Variants in SCEL observed in about 807,000 individuals in gnomAD.
The protein encoded by SCEL is sciellin.
Under a neutral mutation model 117.6 loss-of-function variants are expected in SCEL, and 113 were observed. That is an observed-to-expected ratio of 0.96 (90% confidence interval 0.83 to 1.12). The LOEUF is 1.12. Ranked by LOEUF, SCEL falls within the 50% of genes most tolerant of loss-of-function variation. The probability of loss-of-function intolerance (pLI) is 0.00; values close to 1 mark genes in which losing one functional copy is unlikely to be tolerated. For synonymous variants in SCEL, 270 were observed against 256.2 expected (o/e 1.05, Z -0.51); for missense variants, 785 against 810.8 (o/e 0.97, Z 0.39).
chr13:77,564,194 T>G (rs1169477628), intron 5 of SCEL, among the ~76,000 whole-genome samples: 1 of 150,564 alleles, frequency 6.6e-6, no homozygotes, highest in Non-Finnish European at 1.5e-5. Context: ...AATATAGGTT[T>G]TTTTTTTTTT....
At chr13:77,553,657 C>G (rs1490640271) in intron 1 of SCEL, among the ~76,000 whole-genome samples, 1 of 152,052 alleles carries the variant, frequency 6.6e-6, no homozygotes, top group Non-Finnish European at 1.5e-5. Context: ...TGCCCAAGTT[C>G]AAGTCTGTCC....
chr13:77,556,305 G>T (rs1354396357), intron 2 of SCEL, among the ~76,000 whole-genome samples: 1 of 152,152 alleles, frequency 6.6e-6, no homozygotes, highest in Non-Finnish European at 1.5e-5. Context: ...CTAAATCCTG[G>T]CTCAGTTTAT....
At position 77,582,296 on chromosome 13, in the gene SCEL, G is replaced by T. The variant is rs542714221; in HGVS notation, c.546-6848G>T. ...GGCTGGAGTGCAGTGGTGTGATCTC[G>T]GCTCACTGCAACCTCTGCCTCCTGG... On this transcript the variant is annotated intron_variant, in intron 9 of 32. Coordinates refer to ENST00000349847, the MANE Select transcript of SCEL (RefSeq NM_144777.3). Among the ~76,000 whole-genome samples, 5 of 151,772 alleles carry T rather than the reference G, an allele frequency of 3.3e-5. No individual in the cohort carries two copies. The East Asian group carries it at 9.7e-4, about 30-fold the overall frequency.
At chr13:77,540,334 AATGTGTGCGGGTGTGAGT>A (rs776434573) in intron 1 of SCEL, among the ~76,000 whole-genome samples, 15 of 152,118 alleles carry the variant, frequency 9.9e-5, no homozygotes, top group Non-Finnish European at 1.9e-4. Context: ...ACAATGTGTG[AATGTGTGCGGGTGTGAGT>A]ATGTGTGTAT....
At chr13:77,557,686 G>A (rs1228400943) in intron 3 of SCEL, among the ~76,000 whole-genome samples, 45 of 152,172 alleles carry the variant, frequency 3.0e-4, no homozygotes, top group Admixed American at 2.8e-3. Context: ...GCAAGGTTGG[G>A]AGACATTTTT....
rs775498801 is a variant in SCEL, at chr13:77,644,232, C to T, written c.2051-26C>T. On this transcript the variant is annotated intron_variant, in intron 32 of 32. Transcript: ENST00000349847. ...TGAGCTTGTTTCTGTACTGAATTTG[C>T]ACGTCTTTTTTCTTTTAATTTGCAG... 5.6e-6 allele frequency: 9 copies of T among 1,612,472 alleles called. No individual in the cohort carries two copies. The Admixed American group carries it at 1.5e-4, about 27-fold the overall frequency.
At chr13:77,631,434 A>G (rs1488540539) in intron 28 of SCEL, among the ~76,000 whole-genome samples, 1 of 152,200 alleles carries the variant, frequency 6.6e-6, no homozygotes, top group Non-Finnish European at 1.5e-5. Flanking sequence ...TTGGATTCTG[A>G]AGCAGAAAAA....
intron 8 of SCEL, 87 bp downstream of exon 8, chr13:77,569,538 C>T: frequency 1.1e-5 from 10 of 937,052 alleles, no homozygotes; most frequent in South Asian, 1.5e-5. Flanking sequence ...TGTGGGGATC[C>T]AGCATCTACA....
intron 6 of SCEL, among the ~76,000 whole-genome samples, chr13:77,567,983 G>A (rs565741739): frequency 6.6e-6 from 1 of 152,192 alleles, no homozygotes; most frequent in African/African-American, 2.4e-5. Flanking sequence ...AGTTGTCCTG[G>A]TGGCAAAATT....
intron 9 of SCEL, among the ~76,000 whole-genome samples, chr13:77,579,552 G>A (rs1309251355): frequency 6.6e-6 from 1 of 152,122 alleles, no homozygotes. Flanking sequence ...GTTGGGCTCT[G>A]CCAGGAGTAC....
intron 1 of SCEL, among the ~76,000 whole-genome samples, chr13:77,551,536 C>T (rs140728556): frequency 2.6e-5 from 4 of 152,270 alleles, no homozygotes; most frequent in Non-Finnish European, 5.9e-5. Context: ...TGAGGCCTCT[C>T]TCCTTGGCCT....
At position 77,567,661 on chromosome 13, in the gene SCEL, G is replaced by C. The variant is rs878909070; in HGVS notation, c.291-19G>C. Reference sequence around the variant, plus strand: ...AATTTAAATATTTATCCAGACTTTTGTCTTGTTTCTTTATAAAGGATCTCA... The same window carrying C: ...AATTTAAATATTTATCCAGACTTTTCTCTTGTTTCTTTATAAAGGATCTCA... On this transcript the variant is annotated intron_variant, in intron 5 of 32. Transcript: ENST00000349847. 6.3e-7 allele frequency: 1 copy of C among 1,577,134 alleles called. No individual in the cohort carries two copies. Among genetic ancestry groups the C allele is most frequent in the South Asian group, 1.1e-5 (1 of 88,988 alleles).
At chr13:77,561,227 A>G (rs1234382202) in intron 4 of SCEL, among the ~76,000 whole-genome samples, 2 of 152,226 alleles carry the variant, frequency 1.3e-5, no homozygotes, top group Non-Finnish European at 2.9e-5. Context: ...AAGAACAGAA[A>G]TGCTTGTGTT....
At chr13:77,581,119 A>G (rs1205179028) in intron 9 of SCEL, among the ~76,000 whole-genome samples, 2 of 152,226 alleles carry the variant, frequency 1.3e-5, no homozygotes, top group Non-Finnish European at 2.9e-5. Context: ...TCTTATTTTT[A>G]TCTCAACAAA....
intron 1 of SCEL, among the ~76,000 whole-genome samples, chr13:77,542,199 G>C (rs2083740662): frequency 6.6e-6 from 1 of 152,160 alleles, no homozygotes; most frequent in Admixed American, 6.5e-5. Flanking sequence ...TCAGGAGTTA[G>C]AGACCAGCCT....
chr13:77,562,287 T>C (rs1484127676), intron 4 of SCEL, among the ~76,000 whole-genome samples: 1 of 152,112 alleles, frequency 6.6e-6, no homozygotes, highest in Non-Finnish European at 1.5e-5. Context: ...GGGGAGGGGC[T>C]GTTTTCTGCA....
At chr13:77,603,281 C>T (rs1312556284) in intron 18 of SCEL, 146 bp downstream of exon 18, 2 of 448,324 alleles carry the variant, frequency 4.5e-6, no homozygotes, top group Non-Finnish European at 7.9e-6. Context: ...CCTCCTTATC[C>T]CCAATAAAAC....
chr13:77,640,141 A>G (rs765184606), intron 30 of SCEL, among the ~76,000 whole-genome samples: 2 of 152,072 alleles, frequency 1.3e-5, no homozygotes, highest in Non-Finnish European at 2.9e-5. Context: ...TTACAGTGGC[A>G]CCAAGAGGAG....
chr13:77,568,256 CTTCATTG>C, intron 6 of SCEL, 32 bp from the exon 7 acceptor site: 1 of 1,377,700 alleles, frequency 7.3e-7, no homozygotes, highest in Non-Finnish European at 1.0e-6. Flanking sequence ...AATGTTCATT[CTTCATTG>C]TTCAAACTTT....
Sources: allele counts gnomAD v4.1 joint callset (sites outside exome capture counted in the v4.1 genomes callset), GRCh38; gene constraint gnomAD v4.1.1; transcripts MANE v1.5; gene names NCBI Gene and HGNC (gene_info 2026-07-23, HGNC 2026-07-21).